KCNMB2: variants seen among roughly 807,000 people sequenced by gnomAD.
KCNMB2 encodes the protein potassium calcium-activated channel subfamily M regulatory beta subunit 2.
Under a neutral mutation model 24.5 loss-of-function variants are expected in KCNMB2, and 9 were observed. The ratio of observed to expected loss-of-function variants is 0.37; its 90% CI spans 0.22 to 0.64. The LOEUF is 0.64. Ranked by LOEUF, KCNMB2 falls within the 30% of genes least tolerant of loss-of-function variation. The pLI, the probability that KCNMB2 is intolerant of heterozygous loss-of-function variation, is 0.63. For synonymous variants in KCNMB2, 109 were observed against 104.4 expected (o/e 1.04, Z -0.27); for missense variants, 226 against 284.3 (o/e 0.79, Z 1.47).
chr3:178,815,850 C>A (rs1714385150), intron 2 of KCNMB2, among the ~76,000 whole-genome samples: 1 of 151,780 alleles, frequency 6.6e-6, no homozygotes, highest in Non-Finnish European at 1.5e-5. Context: ...CAAATAATAA[C>A]CCACATTATA....
At chr3:178,797,736 AT>A (rs574542445) in intron 1 of KCNMB2, among the ~76,000 whole-genome samples, 212 of 152,274 alleles carry the variant, frequency 1.4e-3, no homozygotes, top group Non-Finnish European at 2.4e-3. Flanking sequence ...CAGTATGGCC[AT>A]TTTCATGATA....
rs562442874 is a variant in KCNMB2 at position 178,596,605 on chromosome 3, A to G, written c.-68+59894A>G. On this transcript the variant is annotated intron_variant, in intron 1 of 4. Coordinates refer to ENST00000452583, the MANE Select transcript of KCNMB2 (RefSeq NM_181361.3). ...TGTAGTCTACTTCATCCTCTGGATGAGATTAATTTGCTTCTTCTTTCTGCC... is the reference window on the plus strand; with the variant it reads ...TGTAGTCTACTTCATCCTCTGGATGGGATTAATTTGCTTCTTCTTTCTGCC... 7.2e-4 allele frequency among the ~76,000 whole-genome samples: 110 copies of G among 152,150 alleles called. 1 individual carries two copies. The highest frequency in any genetic ancestry group is 1.9e-3 in the African/African-American group (80 of 41,480).
chr3:178,556,098 G>A (rs1716115404), intron 1 of KCNMB2, among the ~76,000 whole-genome samples: 2 of 152,284 alleles, frequency 1.3e-5, no homozygotes, highest in Middle Eastern at 3.4e-3. Context: ...CCAGAAAACT[G>A]GAAGGACAGT....
Position 178,540,775 on chromosome 3 carries a change from T to C in KCNMB2, c.-68+4064T>C, listed in dbSNP as rs1457410439. Among the ~76,000 whole-genome samples, 3 of 152,188 alleles carry C rather than the reference T, an allele frequency of 2.0e-5. No homozygotes were observed. The East Asian group carries it at 5.8e-4, about 29-fold the overall frequency. On this transcript the variant is annotated intron_variant, in intron 1 of 4. Coordinates refer to ENST00000452583, the MANE Select transcript of KCNMB2 (RefSeq NM_181361.3). ...TCACACCCCTTTGTACACTTCTTAT[T>C]CCCAGACAATGCTTTCTTTTTCTCC... is the stretch of plus-strand genomic sequence containing the variant.
intron 1 of KCNMB2, among the ~76,000 whole-genome samples, chr3:178,743,049 G>A (rs566919609): frequency 6.6e-6 from 1 of 152,228 alleles, no homozygotes; most frequent in Admixed American, 6.5e-5. Flanking sequence ...AAATGAGTGG[G>A]ATTCCTAGAA....
At chr3:178,763,516 C>G (rs1041856266) in intron 1 of KCNMB2, among the ~76,000 whole-genome samples, 2 of 152,062 alleles carry the variant, frequency 1.3e-5, no homozygotes, top group East Asian at 1.9e-4. Context: ...CTGGGAGATT[C>G]AGTAAGCTCA....
At chr3:178,713,602 G>A (rs1722521633) in intron 1 of KCNMB2, among the ~76,000 whole-genome samples, 2 of 152,082 alleles carry the variant, frequency 1.3e-5, no homozygotes, top group Non-Finnish European at 2.9e-5. Flanking sequence ...CTCCTGCTCT[G>A]CCAGCCTGCC....
chr3:178,570,515 CTTTTTTTT>C lies in KCNMB2; in HGVS notation c.-68+33822_-68+33829del, dbSNP rs200106452. Among the ~76,000 whole-genome samples the C allele has an allele frequency of 2.0e-3, 232 of 114,646 alleles. 2 individuals are homozygous for C. Among genetic ancestry groups the C allele is most frequent in the African/African-American group, 6.9e-3 (226 of 32,960 alleles). 75.2% of individuals were successfully genotyped at this position (114,646 alleles called of 152,430 possible). ...GAACATTGACCAAAGGTAATGATAC[CTTTTTTTT>C]TTTTTTTTTTTTTTTTTGCTCTTGG... is the stretch of plus-strand genomic sequence containing the variant. On this transcript the variant is annotated intron_variant, in intron 1 of 4. Transcript: ENST00000452583.
Position 178,598,778 on chromosome 3 carries a change from TG to T in KCNMB2, c.-68+62071del, listed in dbSNP as rs371382793. Among the ~76,000 whole-genome samples the T allele has an allele frequency of 3.0e-4, 46 of 152,074 alleles. No homozygotes were observed. The South Asian group carries it at 8.7e-3, about 29-fold the overall frequency. On this transcript the variant is annotated intron_variant, in intron 1 of 4. Transcript: ENST00000452583. ...GGGCCATGTTGAAGTTAAGCATGACTGGGGAAAGATCAAATCTTGAAGCTCT... is the reference window on the plus strand; with the variant it reads ...GGGCCATGTTGAAGTTAAGCATGACTGGGAAAGATCAAATCTTGAAGCTCT...
chr3:178,815,975 T>G (rs1714390953), intron 2 of KCNMB2, among the ~76,000 whole-genome samples: 1 of 151,834 alleles, frequency 6.6e-6, no homozygotes, highest in African/African-American at 2.4e-5. Flanking sequence ...GACCTATAAT[T>G]TTTTTGTGTA....
intron 1 of KCNMB2, among the ~76,000 whole-genome samples, chr3:178,675,350 G>A (rs1382082029): frequency 6.6e-6 from 1 of 152,172 alleles, no homozygotes; most frequent in Non-Finnish European, 1.5e-5. Flanking sequence ...CCTCTAACTT[G>A]CATCAAGCTA....
chr3:178,673,389 C>T (rs762185263), intron 1 of KCNMB2, among the ~76,000 whole-genome samples: 5 of 152,068 alleles, frequency 3.3e-5, no homozygotes, highest in South Asian at 4.2e-4. Flanking sequence ...TTATTTCTTA[C>T]GTCTCTGGTT....
At chr3:178,631,613 G>A (rs1003919397) in intron 1 of KCNMB2, among the ~76,000 whole-genome samples, 1 of 152,192 alleles carries the variant, frequency 6.6e-6, no homozygotes, top group East Asian at 1.9e-4. Flanking sequence ...ATGAATAATT[G>A]TTCCTTGACT....
intron 1 of KCNMB2, among the ~76,000 whole-genome samples, chr3:178,541,085 T>A (rs1560103038): frequency 6.6e-6 from 1 of 152,200 alleles, no homozygotes; most frequent in Non-Finnish European, 1.5e-5. Flanking sequence ...GAGCTCTGTG[T>A]CATAACACTC....
At chr3:178,796,242 C>T (rs1342755646) in intron 1 of KCNMB2, among the ~76,000 whole-genome samples, 2 of 152,080 alleles carry the variant, frequency 1.3e-5, no homozygotes, top group Admixed American at 1.3e-4. Flanking sequence ...ATGCACCCAA[C>T]ACTGGAGCCC....
intron 1 of KCNMB2, among the ~76,000 whole-genome samples, chr3:178,586,824 C>T (rs1402996808): frequency 1.3e-5 from 2 of 152,018 alleles, no homozygotes; most frequent in African/African-American, 2.4e-5. Flanking sequence ...GGATTACAGG[C>T]GTGAACCACT....
chr3:178,629,964 G>A (rs1251444866), intron 1 of KCNMB2, among the ~76,000 whole-genome samples: 1 of 152,194 alleles, frequency 6.6e-6, no homozygotes, highest in Admixed American at 6.5e-5. Context: ...CATGTTTAAT[G>A]TACTGCCAAT....
chr3:178,701,669 G>T (rs1722101060), intron 1 of KCNMB2, among the ~76,000 whole-genome samples: 1 of 152,100 alleles, frequency 6.6e-6, no homozygotes, highest in South Asian at 2.1e-4. Flanking sequence ...ATGAAAAAAT[G>T]CTCATCATCA....
At chr3:178,744,921 C>T (rs1723614381) in intron 1 of KCNMB2, among the ~76,000 whole-genome samples, 1 of 152,198 alleles carries the variant, frequency 6.6e-6, no homozygotes, top group Non-Finnish European at 1.5e-5. Context: ...TAATGGTGAA[C>T]AAGCAGACTC....
Sources: gnomAD v4.1 joint callset for allele counts (sites outside exome capture counted in the v4.1 genomes callset) on GRCh38, gnomAD v4.1.1 for gene constraint, MANE v1.5 for transcripts, NCBI Gene and HGNC (gene_info 2026-07-23, HGNC 2026-07-21) for gene names.